The following ABLIM3 variants were observed in gnomAD, a reference collection of about 807,000 sequenced individuals.
The protein encoded by ABLIM3 is actin-binding LIM protein 3.
Under a neutral mutation model 109.5 loss-of-function variants are expected in ABLIM3, and 61 were observed. That is an observed-to-expected ratio of 0.56 (90% CI 0.45 to 0.69). The LOEUF (loss-of-function observed/expected upper bound fraction) is 0.69, where lower values mean the gene tolerates loss of function less well. ABLIM3 is among the 30% of genes least tolerant of loss of function. The probability of loss-of-function intolerance (pLI) is 0.00; values close to 1 mark genes in which losing one functional copy is unlikely to be tolerated. For missense variants in ABLIM3, 796 were observed against 889.5 expected, an observed-to-expected ratio of 0.89 and a Z score of 1.34; for synonymous variants, 300 against 324.8, an observed-to-expected ratio of 0.92 and a Z score of 0.82.
chr5:149,179,033 T>C (rs2127470396), intron 2 of ABLIM3, among the ~76,000 whole-genome samples: 1 of 152,304 alleles, frequency 6.6e-6, no homozygotes, highest in South Asian at 2.1e-4. Flanking sequence ...GTGGAGAAAC[T>C]GGATGCTGAA....
At chr5:149,235,469 C>T (rs1392926381) in intron 10 of ABLIM3, among the ~76,000 whole-genome samples, 2 of 152,286 alleles carry the variant, frequency 1.3e-5, no homozygotes, top group African/African-American at 4.8e-5. Context: ...TCCTTCCTGG[C>T]TAATTATGTT....
Position 149,200,371 on chromosome 5 carries a change from C to G in ABLIM3, c.391C>G (p.Gln131Glu). The G allele has an allele frequency of 6.2e-7, 1 of 1,614,196 alleles. No individual in the cohort carries two copies. The stretch of plus-strand genomic sequence containing the variant: ...CTTCAGCGGTAAAGAATGTGTGTGC[C>G]AAACGTGCTCCCAGTCCATGGCCAG... ...VTFSGKECVC[Q>E]TCSQSMASSK... Residue 131 changes from glutamine (Q) to glutamate (E), a missense_variant, in exon 5 of 24, where the codon CAA becomes GAA. Coordinates refer to ENST00000309868, the MANE Select transcript of ABLIM3 (RefSeq NM_014945.5).
intron 3 of ABLIM3, among the ~76,000 whole-genome samples, chr5:149,186,052 A>G (rs4705326): frequency 6.6e-6 from 1 of 152,068 alleles, no homozygotes; most frequent in African/African-American, 2.4e-5. Context: ...TTCTCAGCAT[A>G]TGATGGATGA....
At chr5:149,192,670 A>C (rs929936660) in intron 3 of ABLIM3, among the ~76,000 whole-genome samples, 1 of 151,818 alleles carries the variant, frequency 6.6e-6, no homozygotes, top group African/African-American at 2.4e-5. Context: ...CACTCTGCCT[A>C]ATAAATGAAG....
chr5:149,215,029 C>T (rs1477464728), intron 7 of ABLIM3, among the ~76,000 whole-genome samples: 1 of 152,174 alleles, frequency 6.6e-6, no homozygotes, highest in South Asian at 2.1e-4. Flanking sequence ...GCTGCCCTAC[C>T]TCCCTTTGCT....
At chr5:149,225,972 G>A (rs1385961217) in intron 8 of ABLIM3, among the ~76,000 whole-genome samples, 59 of 73,934 alleles carry the variant, frequency 8.0e-4, no homozygotes, top group African/African-American at 4.7e-3. Context: ...GTGTGTGTGT[G>A]TGTGTGTGTG....
intron 2 of ABLIM3, among the ~76,000 whole-genome samples, chr5:149,157,033 A>G (rs958370110): frequency 6.6e-6 from 1 of 152,240 alleles, no homozygotes; most frequent in Non-Finnish European, 1.5e-5. Flanking sequence ...TATCTCTGTA[A>G]TCACAAGGGG....
chr5:149,248,136 C>T (rs934772445), intron 18 of ABLIM3, among the ~76,000 whole-genome samples: 1 of 152,210 alleles, frequency 6.6e-6, no homozygotes, highest in African/African-American at 2.4e-5. Flanking sequence ...AGCTTCCTTG[C>T]CTGCTTTTAT....
intron 2 of ABLIM3, among the ~76,000 whole-genome samples, chr5:149,154,102 TC>T (rs1467422685): frequency 6.6e-6 from 1 of 152,198 alleles, no homozygotes; most frequent in Non-Finnish European, 1.5e-5. Context: ...ACACAGCTGA[TC>T]TATTTTAAGC....
intron 2 of ABLIM3, 140 bp downstream of exon 2, chr5:149,142,248 T>G: frequency 2.5e-6 from 3 of 1,205,910 alleles, no homozygotes; most frequent in Non-Finnish European, 3.7e-6. Context: ...TTTTGGTGCT[T>G]TCCGTGCTCC....
intron 2 of ABLIM3, among the ~76,000 whole-genome samples, chr5:149,153,036 C>T (rs1169560140): frequency 2.0e-5 from 3 of 151,964 alleles, no homozygotes; most frequent in African/African-American, 4.8e-5. Context: ...GATGAGTTAA[C>T]GCATTCATGA....
chr5:149,217,273 C>T (rs1760193506), intron 8 of ABLIM3: 3 of 576,166 alleles, frequency 5.2e-6, no homozygotes, highest in Non-Finnish European at 9.4e-6. Context: ...TGTGCACCTC[C>T]ACCCGCTGCC....
chr5:149,174,722 T>A (rs4451038), intron 2 of ABLIM3: 10,358 of 152,196 alleles, frequency 0.068, 610 homozygotes, highest in East Asian at 0.16. Context: ...TGGAACACCC[T>A]CTGGAAAGAG....
At position 149,248,756 on chromosome 5, in the gene ABLIM3, TG is replaced by T. The variant is rs529455413; in HGVS notation, c.1699+829del. ...CGGAATGGCTCAAAGATGTAAGGGA[TG>T]GCCTCCTGAGGTAGTGAGTCTACCA... On this transcript the variant is annotated intron_variant, in intron 18 of 23. Coordinates refer to ENST00000309868, the MANE Select transcript of ABLIM3 (RefSeq NM_014945.5). 1.8e-3 allele frequency among the ~76,000 whole-genome samples: 277 copies of T among 149,824 alleles called. 1 individual carries two copies. The highest frequency in any genetic ancestry group is 6.6e-3 in the African/African-American group (267 of 40,594).
chr5:149,204,790 C>G (rs1758811019), intron 5 of ABLIM3, among the ~76,000 whole-genome samples: 1 of 152,214 alleles, frequency 6.6e-6, no homozygotes. Context: ...AGAAAAGGAG[C>G]TGGGATTCTC....
At position 149,188,692 on chromosome 5, in the gene ABLIM3, C is replaced by A. The variant is rs77014139; in HGVS notation, c.151+5103C>A. 0.012 allele frequency among the ~76,000 whole-genome samples: 1,831 copies of A among 152,314 alleles called. 86 individuals carry two copies. In the East Asian group the frequency reaches 0.15, roughly 13 times the overall value. On this transcript the variant is annotated intron_variant, in intron 3 of 23. Transcript: ENST00000309868. ...CTAATCTCATCATGAGGGCCCCACC[C>A]TTATGATCTCATCTAAACCTAATTA...
chr5:149,198,301 T>C lies in ABLIM3; in HGVS notation c.234T>C (p.Tyr78=), dbSNP rs1446190582. Residue 78 remains tyrosine (Y), a synonymous_variant, in exon 4 of 24, where the codon TAT becomes TAC. Transcript: ENST00000309868. This position sits in a 1 kb window ranked among gnomAD's most constrained non-coding sequence, Gnocchi z 4.2. ...GCACCCAGGACTACCAGCAACTCTA[T>C]GGCACCCGCTGTGACAGCTGCCGGG... ...YICTQDYQQL[Y]GTRCDSCRDF... 6.2e-7 allele frequency: 1 copy of C among 1,614,226 alleles called. No individual in the cohort carries two copies. Among genetic ancestry groups the C allele is most frequent in the Non-Finnish European group, 8.5e-7 (1 of 1,180,024 alleles).
chr5:149,158,560 A>T lies in ABLIM3; in HGVS notation c.13+16452A>T, dbSNP rs371250493. Among the ~76,000 whole-genome samples, 25 of 152,206 alleles carry T rather than the reference A, an allele frequency of 1.6e-4. 3 individuals are homozygous for T. The highest frequency in any genetic ancestry group is 1.1e-3 in the Admixed American group (17 of 15,272). ...ACTCTATGCAAGTTATGCCACAATA[A>T]AAAGTAAAAAATAAAATAAAAATAA... On this transcript the variant is annotated intron_variant, in intron 2 of 23. Coordinates refer to ENST00000309868, the MANE Select transcript of ABLIM3 (RefSeq NM_014945.5).
At position 149,245,024 on chromosome 5, in the gene ABLIM3, C is replaced by A. The variant is rs758550664; in HGVS notation, c.1486+9C>A. On this transcript the variant is annotated intron_variant, in intron 16 of 23. Coordinates refer to ENST00000309868, the MANE Select transcript of ABLIM3 (RefSeq NM_014945.5). ...CCATGGGTCCCCCAAAGGTAGTACC[C>A]CCATAGGAGCCTGGGTCCAGGGCCC... is the stretch of plus-strand genomic sequence containing the variant. 6.2e-7 allele frequency: 1 copy of A among 1,614,134 alleles called. No individual in the cohort carries two copies. Among genetic ancestry groups the A allele is most frequent in the Non-Finnish European group, 8.5e-7 (1 of 1,180,016 alleles).
Sources: allele counts gnomAD v4.1 joint callset (sites outside exome capture counted in the v4.1 genomes callset), GRCh38; gene constraint gnomAD v4.1.1; non-coding constraint Gnocchi (gnomAD v3.1); transcripts MANE v1.5; gene names NCBI Gene and HGNC (gene_info 2026-07-23, HGNC 2026-07-21).